Variants in KCNK2 observed in about 807,000 individuals in gnomAD.
KCNK2 encodes potassium channel subfamily K member 2.
KCNK2 carries 21 observed loss-of-function variants against 40.5 expected under a neutral mutation model. That is an observed-to-expected ratio of 0.52 (90% confidence interval 0.37 to 0.75). The LOEUF (loss-of-function observed/expected upper bound fraction) is 0.75. Among genes scored for constraint, KCNK2 ranks in the 30% least tolerant of loss-of-function variants. The probability of loss-of-function intolerance (pLI) is 0.00; values close to 1 mark genes in which losing one functional copy is unlikely to be tolerated. For missense variants in KCNK2, 399 were observed against 531.6 expected (o/e 0.75, Z 2.45); for synonymous variants, 191 against 202.2 (o/e 0.94, Z 0.47).
At chr1:215,113,181 C>G (rs767410520) in intron 2 of KCNK2, among the ~76,000 whole-genome samples, 1 of 151,964 alleles carries the variant, frequency 6.6e-6, no homozygotes, top group Admixed American at 6.6e-5. Context: ...AAATGTTCAC[C>G]GACGTTCAAC....
chr1:215,052,223 G>A (rs893012560), intron 1 of KCNK2, among the ~76,000 whole-genome samples: 15 of 152,208 alleles, frequency 9.9e-5, no homozygotes, highest in African/African-American at 3.4e-4. Flanking sequence ...CATGGATGGG[G>A]GCAGGTTGGT....
At chr1:215,006,091 T>TTG (rs2102465822) in intron 1 of KCNK2, 1 of 729,510 alleles carries the variant, frequency 1.4e-6, no homozygotes, top group Admixed American at 2.5e-5. Context: ...CATTGGGTGG[T>TTG]TCCAACAGAG....
At chr1:215,026,177 T>C (rs553172507) in intron 1 of KCNK2, among the ~76,000 whole-genome samples, 2 of 152,176 alleles carry the variant, frequency 1.3e-5, no homozygotes, top group East Asian at 3.9e-4. Flanking sequence ...TATCTGTTGC[T>C]CATTTTTCTT....
At chr1:215,034,030 G>T (rs745377980) in intron 1 of KCNK2, among the ~76,000 whole-genome samples, 4 of 152,136 alleles carry the variant, frequency 2.6e-5, no homozygotes, top group Admixed American at 6.5e-5. Flanking sequence ...TTCCTTGGTG[G>T]TTTCTGCTCC....
chr1:215,095,326 T>C (rs928299591), intron 2 of KCNK2, among the ~76,000 whole-genome samples: 11 of 152,110 alleles, frequency 7.2e-5, no homozygotes, highest in African/African-American at 2.4e-4. Context: ...TAGACAGTTA[T>C]ACAGGAATGC....
chr1:215,048,208 C>G (rs1289654229), intron 1 of KCNK2, among the ~76,000 whole-genome samples: 1 of 152,146 alleles, frequency 6.6e-6, no homozygotes, highest in Non-Finnish European at 1.5e-5. Flanking sequence ...CTACTAATTA[C>G]AGAAAAAGTT....
At chr1:215,113,452 A>G (rs977866411) in intron 2 of KCNK2, among the ~76,000 whole-genome samples, 13 of 152,170 alleles carry the variant, frequency 8.5e-5, no homozygotes, top group African/African-American at 3.1e-4. Flanking sequence ...GCTTTTGTGA[A>G]AGATAAGTAT....
At chr1:215,114,822 T>G (rs1660848397) in intron 2 of KCNK2, among the ~76,000 whole-genome samples, 1 of 152,154 alleles carries the variant, frequency 6.6e-6, no homozygotes, top group African/African-American at 2.4e-5. Flanking sequence ...TTAATGGCAA[T>G]GAGTCAACTC....
chr1:215,083,190 ACGCTCCCCCCCC>A lies in KCNK2; in HGVS notation c.-192_-181del. 5 of 1,071,056 alleles carry A rather than the reference ACGCTCCCCCCCC, an allele frequency of 4.7e-6. No homozygotes were observed. Among genetic ancestry groups the A allele is most frequent in the Non-Finnish European group, 5.4e-6 (4 of 745,912 alleles). 66.3% of individuals were successfully genotyped at this position (1,071,056 alleles called of 1,614,324 possible). A position where few individuals can be genotyped will look rare whatever the true frequency, so the allele number is the denominator to read the frequency against. On this transcript the variant is annotated 5_prime_UTR_variant, in exon 1 of 7. Transcript: ENST00000444842. Reference sequence around the variant, plus strand: ...CCTTCCCGCGATTTCGTTTCTTCTCACGCTCCCCCCCCCGCCCCCTCCCGCGTCCAGCCCCGC... The same window carrying A: ...CCTTCCCGCGATTTCGTTTCTTCTCACGCCCCCTCCCGCGTCCAGCCCCGC...
intron 5 of KCNK2, among the ~76,000 whole-genome samples, chr1:215,187,123 C>G (rs2102655294): frequency 6.6e-6 from 1 of 152,206 alleles, no homozygotes; most frequent in East Asian, 1.9e-4. Flanking sequence ...GCACATGCCA[C>G]CATACCCAGC....
intron 2 of KCNK2, among the ~76,000 whole-genome samples, chr1:215,113,231 AT>A (rs972668846): frequency 1.3e-5 from 2 of 151,864 alleles, no homozygotes; most frequent in African/African-American, 4.8e-5. Context: ...TTATGAATGT[AT>A]TTTTTTTGCT....
chr1:215,048,487 C>A (rs143296896), intron 1 of KCNK2, among the ~76,000 whole-genome samples: 162 of 152,266 alleles, frequency 1.1e-3, no homozygotes, highest in African/African-American at 3.6e-3. Context: ...ACCAGCTGAT[C>A]TTATGTCTTG....
rs371583883 is a variant in KCNK2 at position 215,072,527 on chromosome 1, G to A, written c.35-13841G>A. Among the ~76,000 whole-genome samples, 5 of 152,260 alleles carry A rather than the reference G, an allele frequency of 3.3e-5. No homozygotes were observed. In the East Asian group the frequency reaches 5.8e-4, roughly 18 times the overall value. ...CTTCTAAAAACAATTTGGATGTCAGGCTTCTCTTGAAAAGTTGGAAGGTCT... is the reference window on the plus strand; with the variant it reads ...CTTCTAAAAACAATTTGGATGTCAGACTTCTCTTGAAAAGTTGGAAGGTCT... On this transcript the variant is annotated intron_variant, in intron 1 of 6. Coordinates refer to the KCNK2 transcript ENST00000391895.
intron 6 of KCNK2, among the ~76,000 whole-genome samples, chr1:215,226,560 C>T (rs1666394074): frequency 6.6e-6 from 1 of 152,034 alleles, no homozygotes; most frequent in African/African-American, 2.4e-5. Context: ...CTCCTGACCT[C>T]GCGATTCACC....
rs114127559 is a variant in KCNK2, at chr1:215,048,292, T to A, written c.35-38076T>A. On this transcript the variant is annotated intron_variant, in intron 1 of 6. Coordinates refer to the KCNK2 transcript ENST00000391895. ...ATCAGTTCAGCACTTAACCATAGAA[T>A]TGAAGAAGAAATATTGTGAAAATCT... is the stretch of plus-strand genomic sequence containing the variant. Among the ~76,000 whole-genome samples, 1,409 of 152,276 alleles carry A rather than the reference T, an allele frequency of 9.3e-3. 24 individuals carry two copies. Among genetic ancestry groups the A allele is most frequent in the African/African-American group, 0.032 (1,331 of 41,560 alleles).
chr1:215,047,144 G>A (rs1345039828), intron 1 of KCNK2, among the ~76,000 whole-genome samples: 1 of 151,990 alleles, frequency 6.6e-6, no homozygotes, highest in Non-Finnish European at 1.5e-5. Flanking sequence ...AATTAAATAC[G>A]ATTTAATGTT....
At chr1:215,079,427 G>T (rs1659066566), upstream of KCNK2, among the ~76,000 whole-genome samples, 1 of 152,218 alleles carries the variant, frequency 6.6e-6, no homozygotes, top group South Asian at 2.1e-4. Flanking sequence ...ACTGGAGCAG[G>T]AGGAAGAGAG....
chr1:215,102,368 A>G (rs1660258958), intron 2 of KCNK2, among the ~76,000 whole-genome samples: 1 of 152,044 alleles, frequency 6.6e-6, no homozygotes, highest in African/African-American at 2.4e-5. Flanking sequence ...AAAATAAAAA[A>G]GCTTATAGAA....
At chr1:215,098,455 C>T (rs1660074514) in intron 2 of KCNK2, among the ~76,000 whole-genome samples, 1 of 151,796 alleles carries the variant, frequency 6.6e-6, no homozygotes, top group African/African-American at 2.4e-5. Flanking sequence ...CTTCAACTCT[C>T]ATTTATGTGT....
Sources: gnomAD v4.1 joint callset for allele counts (sites outside exome capture counted in the v4.1 genomes callset) on GRCh38, gnomAD v4.1.1 for gene constraint, MANE v1.5 for transcripts, NCBI Gene and HGNC (gene_info 2026-07-23, HGNC 2026-07-21) for gene names.